Variants in C4orf17 observed in about 807,000 individuals in gnomAD.
C4orf17 encodes the protein chromosome 4 open reading frame 17, also known as uncharacterized protein C4orf17.
C4orf17 carries 25 observed loss-of-function variants against 32.0 expected under a neutral mutation model. That is an observed-to-expected ratio of 0.78 (90% CI 0.57 to 1.09). The LOEUF is 1.09. Ranked by LOEUF, C4orf17 falls within the 50% of genes least tolerant of loss-of-function variation. The probability of loss-of-function intolerance (pLI) is 0.00; values close to 1 mark genes in which losing one functional copy is unlikely to be tolerated. For synonymous variants in C4orf17, 149 were observed against 145.8 expected, an observed-to-expected ratio of 1.02 and a Z score of -0.16; for missense variants, 420 against 420.0, an observed-to-expected ratio of 1.00 and a Z score of 0.00.
At chr4:99,522,167 A>G (rs561372027) in intron 2 of C4orf17, among the ~76,000 whole-genome samples, 2 of 152,190 alleles carry the variant, frequency 1.3e-5, no homozygotes, top group Non-Finnish European at 2.9e-5. Flanking sequence ...GTCATTATCA[A>G]GCTTTGGGAA....
At position 99,540,455 on chromosome 4, in the gene C4orf17, G is replaced by A. The variant is rs1723636454; in HGVS notation, c.880G>A (p.Glu294Lys). ...TGAAGAAAACAAGGAAGTACCAAAAGGTTAAGTACAGTTTTTGGTAACTAT... is the reference window on the plus strand; with the variant it reads ...TGAAGAAAACAAGGAAGTACCAAAAAGTTAAGTACAGTTTTTGGTAACTAT... Reference protein sequence around the residue: ...GSEENKEVPKEAEHKPPLLIR... With the variant: ...GSEENKEVPKKAEHKPPLLIR... The change falls in exon 8 of 9, where the codon GAG becomes AAG. Residue 294 changes from glutamate to lysine, a missense_variant and splice_region_variant. By Grantham distance (56) the Glu-to-Lys change is moderately conservative (BLOSUM62 1). Coordinates refer to ENST00000326581, the MANE Select transcript of C4orf17 (RefSeq NM_032149.3). 4 of 1,605,646 alleles carry A rather than the reference G, an allele frequency of 2.5e-6. No homozygotes were observed. In the African/African-American group the frequency reaches 4.0e-5, roughly 16 times the overall value.
intron 2 of C4orf17, among the ~76,000 whole-genome samples, chr4:99,520,106 T>C (rs1016680672): frequency 2.0e-5 from 3 of 151,842 alleles, no homozygotes; most frequent in African/African-American, 7.2e-5. Context: ...TTTTTTTTTT[T>C]TGAGACGGAG....
At chr4:99,514,669 G>A (rs1847370) in intron 2 of C4orf17, among the ~76,000 whole-genome samples, 14,723 of 152,204 alleles carry the variant, frequency 0.097, 969 homozygotes, top group African/African-American at 0.18. Context: ...GTAAACTAGT[G>A]TACAACCACT....
chr4:99,516,857 C>G (rs1050508832), intron 2 of C4orf17, among the ~76,000 whole-genome samples: 4 of 152,162 alleles, frequency 2.6e-5, no homozygotes, highest in African/African-American at 9.7e-5. Flanking sequence ...CTCGGGGCCC[C>G]TCTTCAGCCT....
intron 2 of C4orf17, among the ~76,000 whole-genome samples, chr4:99,517,219 C>T (rs1723202865): frequency 6.6e-6 from 1 of 152,154 alleles, no homozygotes; most frequent in African/African-American, 2.4e-5. Flanking sequence ...TTTACCAGCA[C>T]ACGGCAGGTC....
chr4:99,526,141 C>A (rs958901031), intron 4 of C4orf17, among the ~76,000 whole-genome samples: 19 of 152,176 alleles, frequency 1.2e-4, no homozygotes, highest in Non-Finnish European at 2.2e-4. Flanking sequence ...TAGTGGATGA[C>A]CTTTATATGG....
intron 5 of C4orf17, among the ~76,000 whole-genome samples, chr4:99,534,962 C>A (rs1560590626): frequency 6.6e-6 from 1 of 152,152 alleles, no homozygotes; most frequent in Non-Finnish European, 1.5e-5. Flanking sequence ...ATTTGCTTGT[C>A]TAAAAAGGAT....
rs1271980395 is a variant in C4orf17 at position 99,540,473 on chromosome 4, G to A, written c.880+18G>A. ...ACCAAAAGGTTAAGTACAGTTTTTGGTAACTATTGAGTTGGTATAAAGAAA... is the reference window on the plus strand; with the variant it reads ...ACCAAAAGGTTAAGTACAGTTTTTGATAACTATTGAGTTGGTATAAAGAAA... On this transcript the variant is annotated intron_variant, in intron 8 of 8. Coordinates refer to ENST00000326581, the MANE Select transcript of C4orf17 (RefSeq NM_032149.3). 9 of 1,584,348 alleles carry A rather than the reference G, an allele frequency of 5.7e-6. No individual in the cohort carries two copies. In the East Asian group the frequency reaches 1.8e-4, roughly 32 times the overall value.
At chr4:99,518,576 G>GAGAA (rs1723234285) in intron 2 of C4orf17, among the ~76,000 whole-genome samples, 3 of 124,696 alleles carry the variant, frequency 2.4e-5, no homozygotes, top group Non-Finnish European at 4.7e-5. Context: ...GAGAGAGAGA[G>GAGAA]AGAGAGAGGG....
intron 5 of C4orf17, among the ~76,000 whole-genome samples, chr4:99,531,466 A>G (rs1035465536): frequency 6.6e-6 from 1 of 152,192 alleles, no homozygotes; most frequent in African/African-American, 2.4e-5. Context: ...CCTTGGGCAT[A>G]TCAATAGAAC....
intron 6 of C4orf17, among the ~76,000 whole-genome samples, chr4:99,538,286 A>G (rs1048153649): frequency 6.6e-6 from 1 of 152,256 alleles, no homozygotes; most frequent in African/African-American, 2.4e-5. Flanking sequence ...TAAATGGCAG[A>G]GAGCTATCCT....
intron 5 of C4orf17, among the ~76,000 whole-genome samples, chr4:99,532,015 G>C (rs1354735920): frequency 1.3e-5 from 2 of 152,080 alleles, no homozygotes; most frequent in Non-Finnish European, 2.9e-5. Context: ...GTGTCTATTA[G>C]CACCTTGTTT....
chr4:99,541,078 A>G (rs1030737787), intron 8 of C4orf17: 10 of 152,368 alleles, frequency 6.6e-5, no homozygotes, highest in African/African-American at 2.2e-4. Context: ...CAGAGCAACA[A>G]CTATGAAGTG....
intron 5 of C4orf17, among the ~76,000 whole-genome samples, chr4:99,531,082 T>A (rs1723470075): frequency 1.3e-5 from 2 of 151,630 alleles, no homozygotes; most frequent in Non-Finnish European, 2.9e-5. Flanking sequence ...CCATCCAATC[T>A]AAAGTAGCTA....
intron 5 of C4orf17, among the ~76,000 whole-genome samples, chr4:99,533,750 A>T (rs1485750678): frequency 1.3e-5 from 2 of 152,134 alleles, no homozygotes; most frequent in Non-Finnish European, 2.9e-5. Context: ...CACAGAGCTT[A>T]GAGTTGCTGG....
chr4:99,533,807 G>A, intron 5 of C4orf17, among the ~76,000 whole-genome samples: 1 of 129,226 alleles, frequency 7.7e-6, no homozygotes, highest in Non-Finnish European at 1.6e-5. Context: ...AAGATACCTT[G>A]CGGGAACATA....
chr4:99,529,162 A>G (rs1370852632), intron 4 of C4orf17, among the ~76,000 whole-genome samples: 1 of 152,214 alleles, frequency 6.6e-6, no homozygotes, highest in African/African-American at 2.4e-5. Flanking sequence ...GTGTTGTTAT[A>G]AATCAGTCAC....
intron 5 of C4orf17, among the ~76,000 whole-genome samples, chr4:99,533,475 T>G (rs1315344759): frequency 6.6e-6 from 1 of 152,198 alleles, no homozygotes; most frequent in African/African-American, 2.4e-5. Flanking sequence ...AACCCAGACT[T>G]CTGCCTGGGG....
intron 5 of C4orf17, among the ~76,000 whole-genome samples, chr4:99,531,918 A>G (rs991349887): frequency 2.0e-5 from 3 of 152,176 alleles, no homozygotes; most frequent in Non-Finnish European, 4.4e-5. Flanking sequence ...TGGGCTGTGA[A>G]ATCAGGAAAT....
Sources: gnomAD v4.1 joint callset for allele counts (sites outside exome capture counted in the v4.1 genomes callset) on GRCh38, gnomAD v4.1.1 for gene constraint, MANE v1.5 for transcripts, NCBI Gene and HGNC (gene_info 2026-07-23, HGNC 2026-07-21) for gene names.